BSND: variants seen among roughly 807,000 people sequenced by gnomAD.
BSND encodes barttin CLCNK type accessory subunit beta, also known as barttin.
BSND carries 13 observed loss-of-function variants against 18.8 expected under a neutral mutation model. That is an observed-to-expected ratio of 0.69 (90% CI 0.45 to 1.10). The LOEUF (loss-of-function observed/expected upper bound fraction) is 1.10, where lower values mean the gene tolerates loss of function less well. Among genes scored for constraint, BSND ranks in the 50% least tolerant of loss-of-function variants. The pLI is 0.00. For synonymous variants in BSND, 170 were observed against 161.8 expected (o/e 1.05, Z -0.39); for missense variants, 379 against 416.7 (o/e 0.91, Z 0.79).
In BSND at chr1:55,013,662, T is replaced by G. The variant is rs1431543549; in HGVS notation, c.*5034T>G. ...AGTATCAATAAGTCAGGCAGCAAGG[T>G]TCCACTGAGCATCTCCCTGTGCTAG... is the stretch of plus-strand genomic sequence containing the variant. On this transcript the variant is annotated 3_prime_UTR_variant, in exon 4 of 4. Transcript: ENST00000651561. Among the ~76,000 whole-genome samples the G allele has an allele frequency of 6.6e-6, 1 of 152,092 alleles. No homozygotes were observed. The highest frequency in any genetic ancestry group is 6.5e-5 in the Admixed American group (1 of 15,286).
Position 55,009,751 on chromosome 1 carries a change from C to T in BSND, c.*1123C>T, listed in dbSNP as rs182529816. On this transcript the variant is annotated 3_prime_UTR_variant, in exon 4 of 4. Coordinates refer to ENST00000651561, the MANE Select transcript of BSND (RefSeq NM_057176.3). The stretch of plus-strand genomic sequence containing the variant: ...CTTCCTGGCCTACTTCAGTTTGAAT[C>T]AGTTGGCTAGCCAGGTGCGGTGGCT... 6.6e-6 allele frequency: 1 copy of T among 152,350 alleles called. No individual in the cohort carries two copies. Among genetic ancestry groups the T allele is most frequent in the East Asian group, 1.9e-4 (1 of 5,176 alleles). The allele number at this position is 152,350 out of a possible 1,614,324, so 9.4% of individuals were successfully genotyped here.
Position 54,999,327 on chromosome 1 carries a change from G to T in BSND, c.141G>T (p.Gly47=). The T allele has an allele frequency of 6.2e-7, 1 of 1,613,098 alleles. No individual in the cohort carries two copies. The highest frequency in any genetic ancestry group is 1.1e-5 in the South Asian group (1 of 91,070). The stretch of plus-strand genomic sequence containing the variant: ...CCATGGGCAGCGTCATGGTGATCGG[G>T]GGCATCATCTGGAGCATGTGCCAGT... ...FYAMGSVMVI[G]GIIWSMCQCY... The change falls in exon 1 of 4, where the codon GGG becomes GGT. Residue 47 remains glycine, a synonymous_variant. Transcript: ENST00000651561.
chr1:55,008,485 A>G lies in BSND; in HGVS notation c.820A>G (p.Lys274Glu), dbSNP rs1465426399. The change falls in exon 4 of 4, where the codon AAG becomes GAG. Residue 274 changes from lysine (K) to glutamate (E), a missense_variant. Transcript: ENST00000651561. ...CAACTGGCAGCGGTACCCAAGGACA[A>G]AGGTGGAGGAGAAGGAGGCTTCGGA... is the stretch of plus-strand genomic sequence containing the variant. ...PNNWQRYPRT[K>E]VEEKEASDTG... 6.2e-7 allele frequency: 1 copy of G among 1,614,198 alleles called. No individual in the cohort carries two copies. The highest frequency in any genetic ancestry group is 1.1e-5 in the South Asian group (1 of 91,086).
At chr1:55,008,074 G>A in intron 3 of BSND, 140 bp from the exon 4 acceptor site, 2 of 709,050 alleles carry the variant, frequency 2.8e-6, no homozygotes, top group East Asian at 2.7e-5. Flanking sequence ...AACTGCAGGA[G>A]TGAATTCTGT....
rs6687801 is a variant in BSND, at chr1:55,007,370, G to A, written c.548+98G>A. On this transcript the variant is annotated intron_variant, in intron 3 of 3. Transcript: ENST00000651561. ...CCGAGGGGTGGGTGGGGACACTGGG[G>A]GTAAGGAGAGGGCAGTGGAGGGTGT... 326,340 of 856,170 alleles carry A rather than the reference G, an allele frequency of 0.38. 93,866 individuals are homozygous for A. Among genetic ancestry groups the A allele is most frequent in the African/African-American group, 0.61 (34,481 of 56,472 alleles). 53.0% of individuals were successfully genotyped at this position (856,170 alleles called of 1,614,324 possible).
rs113678121 is a variant in BSND, at chr1:55,012,485, G to A, written c.*3857G>A. Among the ~76,000 whole-genome samples, 1 of 152,202 alleles carries A rather than the reference G, an allele frequency of 6.6e-6. No homozygotes were observed. Among genetic ancestry groups the A allele is most frequent in the Non-Finnish European group, 1.5e-5 (1 of 68,034 alleles). ...TCACAGCCCCTCTCAGAGCCTCAAT[G>A]TCCACATTTATGCAGTGGGGAGGAT... On this transcript the variant is annotated 3_prime_UTR_variant, in exon 4 of 4. Transcript: ENST00000651561.
Position 55,015,109 on chromosome 1 carries a change from A to T in BSND, c.*6481A>T, listed in dbSNP as rs552103453. 6.6e-6 allele frequency among the ~76,000 whole-genome samples: 1 copy of T among 152,358 alleles called. No homozygotes were observed. Among genetic ancestry groups the T allele is most frequent in the South Asian group, 2.1e-4 (1 of 4,826 alleles). On this transcript the variant is annotated 3_prime_UTR_variant, in exon 4 of 4. Transcript: ENST00000651561. The stretch of plus-strand genomic sequence containing the variant: ...TTGATGATTCTTGAGCAGAGGAGTG[A>T]CATGAAAGAAACATTCAGGTCATAT...
chr1:55,008,491 G>A lies in BSND; in HGVS notation c.826G>A (p.Glu276Lys), dbSNP rs146629699. Reference sequence around the variant, plus strand: ...GCAGCGGTACCCAAGGACAAAGGTGGAGGAGAAGGAGGCTTCGGACACAGG... The same window carrying A: ...GCAGCGGTACCCAAGGACAAAGGTGAAGGAGAAGGAGGCTTCGGACACAGG... Reference protein sequence around the residue: ...NWQRYPRTKVEEKEASDTGGE... With the variant: ...NWQRYPRTKVKEKEASDTGGE... The change falls in exon 4 of 4, where the codon GAG (glutamate) becomes AAG (lysine). Residue 276 changes from glutamate (E) to lysine (K), a missense_variant. Coordinates refer to ENST00000651561, the MANE Select transcript of BSND (RefSeq NM_057176.3). The A allele has an allele frequency of 6.2e-7, 1 of 1,614,224 alleles. No homozygotes were observed. The highest frequency in any genetic ancestry group is 8.5e-7 in the Non-Finnish European group (1 of 1,180,028).
chr1:55,010,937 C>T lies in BSND; in HGVS notation c.*2309C>T, dbSNP rs915491971. The T allele has an allele frequency of 5.2e-5, 8 of 152,386 alleles. No individual in the cohort carries two copies. The highest frequency in any genetic ancestry group is 1.9e-4 in the East Asian group (1 of 5,182). The allele number at this position is 152,386 out of a possible 1,614,324, so 9.4% of individuals were successfully genotyped here. A position where few individuals can be genotyped will look rare whatever the true frequency, so the allele number is the denominator to read the frequency against. On this transcript the variant is annotated 3_prime_UTR_variant, in exon 4 of 4. Coordinates refer to ENST00000651561, the MANE Select transcript of BSND (RefSeq NM_057176.3). ...TTTTCTTTAAAACCACCCCTTCCCT[C>T]GGGGCAGGATACGTGAGGCCTTACG...
At chr1:55,003,848 A>AG (rs140589513) in intron 1 of BSND, among the ~76,000 whole-genome samples, 13,757 of 152,148 alleles carry the variant, frequency 0.09, 1,845 homozygotes, top group African/African-American at 0.29. Flanking sequence ...CCATTTTAAA[A>AG]CTCATGGTAA....
In BSND at chr1:55,013,615, C is replaced by T. The variant is rs1644434355; in HGVS notation, c.*4987C>T. 6.6e-6 allele frequency among the ~76,000 whole-genome samples: 1 copy of T among 152,180 alleles called. No homozygotes were observed. The highest frequency in any genetic ancestry group is 1.5e-5 in the Non-Finnish European group (1 of 68,038). On this transcript the variant is annotated 3_prime_UTR_variant, in exon 4 of 4. Transcript: ENST00000651561. ...CCAGTAGCCCCAGGCCATTCTGACC[C>T]TAGTGGGACAGGAGAAAAATCAGTA...
At chr1:55,006,139 C>T (rs1557484842) in intron 2 of BSND, among the ~76,000 whole-genome samples, 3 of 152,148 alleles carry the variant, frequency 2.0e-5, no homozygotes, top group Non-Finnish European at 4.4e-5. Context: ...TTCATAATGG[C>T]GTTTTCTGCC....
Position 55,009,579 on chromosome 1 carries a change from C to T in BSND, c.*951C>T, listed in dbSNP as rs1348786637. Reference sequence around the variant, plus strand: ...CCCCCACGTTCCCAACTTTTAGACTCACAGCCCTCTTACTTCCCAGCATTC... The same window carrying T: ...CCCCCACGTTCCCAACTTTTAGACTTACAGCCCTCTTACTTCCCAGCATTC... On this transcript the variant is annotated 3_prime_UTR_variant, in exon 4 of 4. Coordinates refer to ENST00000651561, the MANE Select transcript of BSND (RefSeq NM_057176.3). 2.6e-5 allele frequency: 4 copies of T among 152,254 alleles called. No homozygotes were observed. Among genetic ancestry groups the T allele is most frequent in the East Asian group, 1.9e-4 (1 of 5,202 alleles). 9.4% of individuals were successfully genotyped at this position (152,254 alleles called of 1,614,324 possible).
Position 54,999,242 on chromosome 1 carries a change from T to C in BSND, c.56T>C (p.Leu19Pro), listed in dbSNP as rs748015104. Residue 19 changes from leucine (L) to proline (P), a missense_variant, in exon 1 of 4, where the codon CTG (leucine) becomes CCG (proline). Transcript: ENST00000651561. ...IGFIVLGLFL[L>P]ALGTFLMSHD... ...TTCATTGTGCTGGGGCTTTTCCTGC[T>C]GGCCCTCGGTACGTTCCTCATGAGC... 4.3e-6 allele frequency: 7 copies of C among 1,614,140 alleles called. No individual in the cohort carries two copies. The highest frequency in any genetic ancestry group is 2.2e-5 in the East Asian group (1 of 44,862).
intron 1 of BSND, among the ~76,000 whole-genome samples, chr1:55,001,547 C>G (rs1161495823): frequency 1.3e-5 from 2 of 152,148 alleles, no homozygotes; most frequent in African/African-American, 4.8e-5. Context: ...CCCTCAGCCT[C>G]CTCCCCGTGG....
intron 2 of BSND, among the ~76,000 whole-genome samples, 171 bp from the exon 3 acceptor site, chr1:55,006,826 C>G (rs1644393536): frequency 6.6e-6 from 1 of 152,148 alleles, no homozygotes; most frequent in Non-Finnish European, 1.5e-5. Flanking sequence ...TTAATTAACT[C>G]ACCTTGCTGG....
At position 55,015,160 on chromosome 1, in the gene BSND, G is replaced by A. The variant is rs993716822; in HGVS notation, c.*6532G>A. The stretch of plus-strand genomic sequence containing the variant: ...ACTAACAGATACAAAAGGGAAAGGT[G>A]GCACGTATTGGTGGCAAGAAGGCTG... On this transcript the variant is annotated 3_prime_UTR_variant, in exon 4 of 4. Transcript: ENST00000651561. Among the ~76,000 whole-genome samples, 1 of 152,230 alleles carries A rather than the reference G, an allele frequency of 6.6e-6. No homozygotes were observed. The highest frequency in any genetic ancestry group is 2.4e-5 in the African/African-American group (1 of 41,454).
chr1:55,016,271 C>G lies in BSND; in HGVS notation c.*7643C>G, dbSNP rs1202814232. 1.3e-5 allele frequency among the ~76,000 whole-genome samples: 2 copies of G among 152,046 alleles called. No individual in the cohort carries two copies. Among genetic ancestry groups the G allele is most frequent in the Non-Finnish European group, 2.9e-5 (2 of 68,008 alleles). On this transcript the variant is annotated 3_prime_UTR_variant, in exon 4 of 4. Coordinates refer to ENST00000651561, the MANE Select transcript of BSND (RefSeq NM_057176.3). ...CAGAGAGAGAGAACTAGAAATCAGACAGGAAAAGAAAGGGAATTCATCCAC... is the reference window on the plus strand; with the variant it reads ...CAGAGAGAGAGAACTAGAAATCAGAGAGGAAAAGAAAGGGAATTCATCCAC...
chr1:55,007,995 A>T (rs1411052360), intron 3 of BSND, among the ~76,000 whole-genome samples: 2 of 152,234 alleles, frequency 1.3e-5, no homozygotes, highest in African/African-American at 4.8e-5. Flanking sequence ...CTATTTCATG[A>T]GCACCTTCTA....
Sources: gnomAD v4.1 joint callset for allele counts (sites outside exome capture counted in the v4.1 genomes callset) on GRCh38, gnomAD v4.1.1 for gene constraint, MANE v1.5 for transcripts, NCBI Gene and HGNC (gene_info 2026-07-23, HGNC 2026-07-21) for gene names.